KIF16B: variants seen among roughly 807,000 people sequenced by gnomAD.
KIF16B encodes the protein kinesin family member 16B.
In KIF16B, 98 loss-of-function variants were observed where a neutral mutation model predicts 156.3. That is an observed-to-expected ratio of 0.63 (90% CI 0.53 to 0.74). The LOEUF (loss-of-function observed/expected upper bound fraction) is 0.74. KIF16B is among the 30% of genes least tolerant of loss of function. The pLI is 0.00. For synonymous variants in KIF16B, 564 were observed against 583.7 expected (o/e 0.97, Z 0.49); for missense variants, 1,421 against 1,606.5 (o/e 0.88, Z 1.97).
chr20:16,549,344 T>C (rs1251689476), intron 1 of KIF16B, among the ~76,000 whole-genome samples: 2 of 152,166 alleles, frequency 1.3e-5, no homozygotes, highest in East Asian at 3.9e-4. Flanking sequence ...TCCAATTTCA[T>C]CCATGTCCCT....
chr20:16,326,015 C>T (rs1475901717), intron 24 of KIF16B, among the ~76,000 whole-genome samples: 2 of 152,084 alleles, frequency 1.3e-5, no homozygotes, highest in South Asian at 4.1e-4. Context: ...GCCAACTGAT[C>T]TTTGACAAAG....
chr20:16,459,505 G>A (rs2067291340), intron 12 of KIF16B, among the ~76,000 whole-genome samples: 1 of 152,094 alleles, frequency 6.6e-6, no homozygotes, highest in Non-Finnish European at 1.5e-5. Context: ...CCTCTCCCTG[G>A]GTCTCTGAGT....
chr20:16,339,078 T>G (rs1272293352), intron 23 of KIF16B, among the ~76,000 whole-genome samples: 1 of 152,186 alleles, frequency 6.6e-6, no homozygotes, highest in East Asian at 1.9e-4. Context: ...GTTTAAATGC[T>G]CATGGAGTAA....
At chr20:16,330,871 C>T (rs973360792) in intron 24 of KIF16B, among the ~76,000 whole-genome samples, 8 of 152,218 alleles carry the variant, frequency 5.3e-5, no homozygotes, top group Non-Finnish European at 1.0e-4. Flanking sequence ...CCTTCTGGCA[C>T]GGGATTCTAG....
chr20:16,300,380 G>A (rs2063454403), intron 25 of KIF16B, among the ~76,000 whole-genome samples: 1 of 152,196 alleles, frequency 6.6e-6, no homozygotes. Flanking sequence ...TTTGGAAGAT[G>A]TGTTCCTTTT....
intron 19 of KIF16B, 71 bp from the exon 20 acceptor site, chr20:16,374,480 T>G: frequency 7.4e-7 from 1 of 1,348,528 alleles, no homozygotes; most frequent in Admixed American, 2.5e-5. Flanking sequence ...TGTGAGACAT[T>G]GCTTTAGATA....
intron 17 of KIF16B, among the ~76,000 whole-genome samples, chr20:16,396,460 C>G (rs2065503782): frequency 1.3e-5 from 2 of 151,808 alleles, no homozygotes; most frequent in Non-Finnish European, 2.9e-5. Flanking sequence ...GCAAAGAACT[C>G]TAAAGTCCAA....
At chr20:16,352,217 A>G (rs921374865) in intron 23 of KIF16B, among the ~76,000 whole-genome samples, 25 of 152,216 alleles carry the variant, frequency 1.6e-4, no homozygotes, top group African/African-American at 5.8e-4. Flanking sequence ...ACATATGTCA[A>G]CACTCATCCA....
intron 24 of KIF16B, among the ~76,000 whole-genome samples, chr20:16,330,197 A>T (rs1304635228): frequency 6.6e-6 from 1 of 152,180 alleles, no homozygotes; most frequent in Non-Finnish European, 1.5e-5. Flanking sequence ...ATATCTAATA[A>T]TCAACAACTC....
At chr20:16,367,509 GGT>G (rs767913129) in intron 22 of KIF16B, 12 of 1,612,764 alleles carry the variant, frequency 7.4e-6, no homozygotes, top group African/African-American at 1.3e-5. Flanking sequence ...GTGCAATGTG[GGT>G]GTTCAGAAGG....
At chr20:16,498,247 C>T (rs1600548209) in intron 10 of KIF16B, among the ~76,000 whole-genome samples, 1 of 152,066 alleles carries the variant, frequency 6.6e-6, no homozygotes, top group Non-Finnish European at 1.5e-5. Flanking sequence ...GACAAGCAGA[C>T]AGAGACAAGA....
Position 16,428,887 on chromosome 20 carries a change from A to G in KIF16B, c.1474+66T>C, listed in dbSNP as rs568541052. 8 of 1,384,798 alleles carry G rather than the reference A, an allele frequency of 5.8e-6. No individual in the cohort carries two copies. The African/African-American group carries it at 1.1e-4, about 20-fold the overall frequency. 85.8% of individuals were successfully genotyped at this position (1,384,798 alleles called of 1,614,324 possible). On this transcript the variant is annotated intron_variant, in intron 14 of 25. Coordinates refer to ENST00000354981, the MANE Select transcript of KIF16B (RefSeq NM_024704.5). ...AATTACTTCAATGTCAGTCATTCGA[A>G]AAAGTTCTTCCTTGAATACAACCTT...
intron 10 of KIF16B, 135 bp downstream of exon 10, chr20:16,504,237 C>T (rs1033783227): frequency 2.9e-5 from 24 of 826,528 alleles, no homozygotes; most frequent in Non-Finnish European, 4.2e-5. Flanking sequence ...GAGGGACTGG[C>T]TAACTCATTC....
intron 12 of KIF16B, among the ~76,000 whole-genome samples, chr20:16,471,872 T>C (rs1461708248): frequency 7.2e-5 from 11 of 152,234 alleles, no homozygotes; most frequent in Admixed American, 6.5e-4. Flanking sequence ...GTTAATCATA[T>C]CTTCTGAAAT....
At chr20:16,355,047 C>T (rs746755850) in intron 23 of KIF16B, among the ~76,000 whole-genome samples, 16 of 149,548 alleles carry the variant, frequency 1.1e-4, no homozygotes, top group Non-Finnish European at 1.5e-4. Flanking sequence ...TCTTTTCTAA[C>T]GGAAAACTTA....
intron 6 of KIF16B, among the ~76,000 whole-genome samples, chr20:16,509,048 T>C (rs1224940861): frequency 6.6e-6 from 1 of 152,186 alleles, no homozygotes. Flanking sequence ...AGCAATCATA[T>C]TTATATATAA....
chr20:16,398,505 C>A (rs1047122593), intron 17 of KIF16B, among the ~76,000 whole-genome samples: 2 of 152,158 alleles, frequency 1.3e-5, no homozygotes, highest in African/African-American at 4.8e-5. Context: ...CTTCCCTGTG[C>A]CATCAGATAG....
chr20:16,509,642 C>T (rs778156415), intron 6 of KIF16B, among the ~76,000 whole-genome samples: 2 of 152,114 alleles, frequency 1.3e-5, no homozygotes, highest in Non-Finnish European at 2.9e-5. Flanking sequence ...CATACATATT[C>T]TTTGTTCATT....
Position 16,378,929 on chromosome 20 carries a change from G to A in KIF16B, c.3073C>T (p.Leu1025=), listed in dbSNP as rs2065018873. Residue 1025 remains leucine, a synonymous_variant, in exon 19 of 26, where the codon CTG becomes TTG. Transcript: ENST00000354981. ...CTCTGCTCTTCAATCTCCATGCCCAGGGTGGAGTGCCTCTGCAGCGCAGAA... is the reference window on the plus strand; with the variant it reads ...CTCTGCTCTTCAATCTCCATGCCCAAGGTGGAGTGCCTCTGCAGCGCAGAA... ...RHSALQRHST[L]GMEIEEQRQK... is the part of the protein sequence containing the mutation. 4 of 1,614,116 alleles carry A rather than the reference G, an allele frequency of 2.5e-6. No individual in the cohort carries two copies. The highest frequency in any genetic ancestry group is 2.5e-6 in the Non-Finnish European group (3 of 1,179,982).
Sources: allele counts gnomAD v4.1 joint callset (sites outside exome capture counted in the v4.1 genomes callset), GRCh38; gene constraint gnomAD v4.1.1; transcripts MANE v1.5; gene names NCBI Gene and HGNC (gene_info 2026-07-23, HGNC 2026-07-21).